Variants in LAPTM5 observed in about 807,000 individuals in gnomAD.
The protein encoded by LAPTM5 is lysosomal-associated transmembrane protein 5.
Under a neutral mutation model 30.1 loss-of-function variants are expected in LAPTM5, and 11 were observed. The observed-to-expected ratio is 0.37, with a 90% confidence interval of 0.23 to 0.60. LAPTM5 has a LOEUF of 0.60. LAPTM5 is among the 20% of genes least tolerant of loss of function. LAPTM5 has a pLI of 0.71. For synonymous variants in LAPTM5, 151 were observed against 137.9 expected (o/e 1.10, Z -0.67); for missense variants, 324 against 332.5 (o/e 0.97, Z 0.20).
chr1:30,743,794 G>GTTTT (rs1196822870), intron 1 of LAPTM5, among the ~76,000 whole-genome samples: 2 of 85,780 alleles, frequency 2.3e-5, no homozygotes, highest in African/African-American at 4.3e-5. Context: ...TGACTGTGTG[G>GTTTT]GTTTTTTTTT....
intron 6 of LAPTM5, 48 bp from the exon 7 acceptor site, chr1:30,735,313 A>G: frequency 6.7e-7 from 1 of 1,499,672 alleles, no homozygotes; most frequent in South Asian, 1.1e-5. Flanking sequence ...CGTCCTTCTC[A>G]CGCTCCAGCA....
intron 5 of LAPTM5, among the ~76,000 whole-genome samples, 168 bp from the exon 6 acceptor site, chr1:30,737,867 T>C (rs1639911087): frequency 6.6e-6 from 1 of 152,204 alleles, no homozygotes; most frequent in African/African-American, 2.4e-5. Context: ...AGGTGCTACC[T>C]TCAGCCCCAT....
Position 30,733,632 on chromosome 1 carries a change from G to A in LAPTM5, c.*196C>T. ...ATGGAGAGACCCGAGGAGTGACTCAGCCTAAAGCGTTGACCCAGTTGTGAG... is the reference window on the plus strand; with the variant it reads ...ATGGAGAGACCCGAGGAGTGACTCAACCTAAAGCGTTGACCCAGTTGTGAG... On this transcript the variant is annotated 3_prime_UTR_variant, in exon 8 of 8. Transcript: ENST00000294507. 1 of 1,532,826 alleles carries A rather than the reference G, an allele frequency of 6.5e-7. No homozygotes were observed. 95.0% of individuals were successfully genotyped at this position (1,532,826 alleles called of 1,614,324 possible). A position where few individuals can be genotyped will look rare whatever the true frequency, so the allele number is the denominator to read the frequency against.
intron 3 of LAPTM5, 143 bp downstream of exon 3, chr1:30,741,497 A>T (rs1369374555): frequency 6.5e-6 from 3 of 463,516 alleles, no homozygotes; most frequent in Non-Finnish European, 1.1e-5. Context: ...GTTCTCCAAA[A>T]GGTATGTGTG....
At chr1:30,745,614 G>T (rs1465874656) in intron 1 of LAPTM5, among the ~76,000 whole-genome samples, 1 of 152,238 alleles carries the variant, frequency 6.6e-6, no homozygotes, top group South Asian at 2.1e-4. Context: ...CTCATAGAGG[G>T]CAGGGGACCA....
intron 1 of LAPTM5, among the ~76,000 whole-genome samples, chr1:30,750,602 T>G (rs10914192): frequency 0.017 from 2,602 of 152,314 alleles, 69 homozygotes; most frequent in African/African-American, 0.057. Flanking sequence ...ATGGGCTCTG[T>G]GCTTCTCAGA....
intron 1 of LAPTM5, among the ~76,000 whole-genome samples, chr1:30,743,795 GTTTTTTT>G (rs756356075): frequency 9.3e-6 from 1 of 107,860 alleles, no homozygotes. Flanking sequence ...GACTGTGTGG[GTTTTTTT>G]TTTTTTTTTT....
Position 30,733,893 on chromosome 1 carries a change from C to A in LAPTM5, c.724G>T (p.Ala242Ser). The A allele has an allele frequency of 6.2e-7, 1 of 1,611,632 alleles. No individual in the cohort carries two copies. The highest frequency in any genetic ancestry group is 8.5e-7 in the Non-Finnish European group (1 of 1,179,494). Residue 242 changes from alanine (A) to serine (S), a missense_variant, in exon 8 of 8, where the codon GCC (alanine) becomes TCC (serine). By Grantham distance (99) the Ala-to-Ser change is moderately conservative. Transcript: ENST00000294507. ...GGGGTCTTCGATGGCAAAGACAGGG[C>A]TTCCTCGTAGGACGGCAGGACCACC... ...QKVVLPSYEEALSLPSKTPEG... is the reference protein window; with the variant it reads ...QKVVLPSYEESLSLPSKTPEG...
At chr1:30,748,741 C>T (rs554548828) in intron 1 of LAPTM5, among the ~76,000 whole-genome samples, 1 of 152,246 alleles carries the variant, frequency 6.6e-6, no homozygotes, top group African/African-American at 2.4e-5. Context: ...AGCCTGGCTT[C>T]TCTCTCCTCT....
chr1:30,736,487 G>A (rs1309331294), intron 6 of LAPTM5, among the ~76,000 whole-genome samples: 2 of 152,276 alleles, frequency 1.3e-5, no homozygotes, highest in East Asian at 3.9e-4. Flanking sequence ...AGGCTGGAGT[G>A]CAGTGGCATG....
chr1:30,742,037 G>A lies in LAPTM5; in HGVS notation c.182-321C>T, dbSNP rs116773819. Reference sequence around the variant, plus strand: ...GGAATCGGCCTGAGACAGGGACAGGGTTGGTGAGGTCAGTGTGGCTGGAGC... The same window carrying A: ...GGAATCGGCCTGAGACAGGGACAGGATTGGTGAGGTCAGTGTGGCTGGAGC... On this transcript the variant is annotated intron_variant, in intron 2 of 7. Transcript: ENST00000294507. The A allele has an allele frequency of 3.4e-3, 1,268 of 371,034 alleles. 16 individuals are homozygous for A. Among genetic ancestry groups the A allele is most frequent in the African/African-American group, 0.024 (1,145 of 48,164 alleles). 23.0% of individuals were successfully genotyped at this position (371,034 alleles called of 1,614,324 possible).
chr1:30,737,252 C>G (rs1031379856), intron 6 of LAPTM5, among the ~76,000 whole-genome samples: 1 of 152,246 alleles, frequency 6.6e-6, no homozygotes, highest in Non-Finnish European at 1.5e-5. Flanking sequence ...AAACAAGACT[C>G]CTGCCCCTGA....
chr1:30,740,799 CAGAG>C (rs1182583782), intron 3 of LAPTM5, among the ~76,000 whole-genome samples: 1 of 152,180 alleles, frequency 6.6e-6, no homozygotes, highest in Admixed American at 6.5e-5. Context: ...GGTTCCAAGA[CAGAG>C]TGAGTGTTAG....
chr1:30,743,758 C>G (rs1403177689), intron 1 of LAPTM5, among the ~76,000 whole-genome samples: 1 of 151,952 alleles, frequency 6.6e-6, no homozygotes, highest in East Asian at 1.9e-4. Flanking sequence ...AGGCAACCAG[C>G]CACCCACCAT....
intron 1 of LAPTM5, among the ~76,000 whole-genome samples, chr1:30,750,688 C>T (rs925502601): frequency 1.4e-4 from 21 of 152,340 alleles, no homozygotes; most frequent in Non-Finnish European, 2.4e-4. Context: ...TCCCTGCCTC[C>T]ACCTGGAGCA....
chr1:30,755,479 G>A (rs920449643), intron 1 of LAPTM5, among the ~76,000 whole-genome samples: 1 of 151,930 alleles, frequency 6.6e-6, no homozygotes, highest in African/African-American at 2.4e-5. Context: ...GAACACATAC[G>A]CCATTGCTCA....
chr1:30,733,755 G>A lies in LAPTM5; in HGVS notation c.*73C>T, dbSNP rs1639847769. ...GGGAGGGCCCACCCAGGCCACAGGG[G>A]CCACCAAAGCAAAAAAGCAGATTAT... On this transcript the variant is annotated 3_prime_UTR_variant, in exon 8 of 8. Transcript: ENST00000294507. 2.9e-5 allele frequency: 45 copies of A among 1,544,756 alleles called. 1 individual carries two copies. Among genetic ancestry groups the A allele is most frequent in the South Asian group, 1.8e-4 (15 of 84,210 alleles).
chr1:30,750,176 G>C, intron 1 of LAPTM5, among the ~76,000 whole-genome samples: 1 of 152,286 alleles, frequency 6.6e-6, no homozygotes, highest in Middle Eastern at 3.4e-3. Flanking sequence ...GGAGCAGCCA[G>C]TGGGGGGCTC....
chr1:30,738,407 C>CACGG (rs1639918692), intron 5 of LAPTM5, among the ~76,000 whole-genome samples: 1 of 152,098 alleles, frequency 6.6e-6, no homozygotes, highest in Non-Finnish European at 1.5e-5. Flanking sequence ...GCAAAGAGCC[C>CACGG]ACGCCCTGTG....
Sources: gnomAD v4.1 joint callset for allele counts (sites outside exome capture counted in the v4.1 genomes callset) on GRCh38, gnomAD v4.1.1 for gene constraint, MANE v1.5 for transcripts, NCBI Gene and HGNC (gene_info 2026-07-23, HGNC 2026-07-21) for gene names.